Variants in TNR observed in about 807,000 individuals in gnomAD.
TNR encodes the protein tenascin-R.
A neutral mutation model predicts 150.4 loss-of-function variants in TNR; 45 were observed. The ratio of observed to expected loss-of-function variants is 0.30; its 90% CI spans 0.24 to 0.38. The LOEUF (loss-of-function observed/expected upper bound fraction) is 0.38, where lower values mean the gene tolerates loss of function less well. TNR is among the 10% of genes least tolerant of loss of function. The pLI, the probability that TNR is intolerant of heterozygous loss-of-function variation, is 1.00. For missense variants in TNR, 1,544 were observed against 1,759.1 expected, an observed-to-expected ratio of 0.88 and a Z score of 2.19; for synonymous variants, 687 against 678.4, an observed-to-expected ratio of 1.01 and a Z score of -0.20.
chr1:175,385,709 T>C (rs1488955762), intron 8 of TNR, among the ~76,000 whole-genome samples: 1 of 152,206 alleles, frequency 6.6e-6, no homozygotes, highest in Non-Finnish European at 1.5e-5. Context: ...ACTAGCGATA[T>C]GGATGCTTAC....
At chr1:175,522,110 A>C (rs540779356) in intron 2 of TNR, among the ~76,000 whole-genome samples, 2 of 149,896 alleles carry the variant, frequency 1.3e-5, no homozygotes, top group Admixed American at 6.6e-5. Context: ...TATCCACCCC[A>C]CTCCACTTCT....
chr1:175,739,533 T>C (rs746508336), intron 1 of TNR, among the ~76,000 whole-genome samples: 2 of 151,776 alleles, frequency 1.3e-5, no homozygotes, highest in African/African-American at 4.8e-5. Flanking sequence ...CACACACACA[T>C]TCACCAAAGT....
At chr1:175,489,886 C>A (rs1158505842) in intron 2 of TNR, among the ~76,000 whole-genome samples, 1 of 152,000 alleles carries the variant, frequency 6.6e-6, no homozygotes, top group East Asian at 1.9e-4. Context: ...TTTTTATGAA[C>A]ATAATAAATT....
intron 2 of TNR, among the ~76,000 whole-genome samples, chr1:175,502,644 A>G (rs1658785522): frequency 6.6e-6 from 1 of 152,156 alleles, no homozygotes; most frequent in South Asian, 2.1e-4. Flanking sequence ...TCTTGCATGC[A>G]ATTCCTTGGC....
At chr1:175,417,076 A>AAAGAAAGAAAGAAATAAATC (rs1491457290) in intron 2 of TNR, among the ~76,000 whole-genome samples, 1 of 113,666 alleles carries the variant, frequency 8.8e-6, no homozygotes, top group Admixed American at 1.0e-4. Context: ...AGAAAGAAAG[A>AAAGAAAGAAAGAAATAAATC]AATCTAAGAA....
At chr1:175,592,652 A>C (rs567237563) in intron 1 of TNR, among the ~76,000 whole-genome samples, 1 of 152,206 alleles carries the variant, frequency 6.6e-6, no homozygotes, top group Non-Finnish European at 1.5e-5. Context: ...TCTGCTGTTA[A>C]CCATCATTCA....
intron 9 of TNR, among the ~76,000 whole-genome samples, chr1:175,375,476 T>TGG (rs3216195): frequency 0.03 from 4,616 of 151,358 alleles, 100 homozygotes; most frequent in Non-Finnish European, 0.047. Flanking sequence ...CAGAGAATAA[T>TGG]GGGGGGGGAG....
intron 1 of TNR, among the ~76,000 whole-genome samples, chr1:175,560,712 T>C (rs1383982328): frequency 2.0e-5 from 3 of 152,320 alleles, no homozygotes; most frequent in East Asian, 1.9e-4. Context: ...GCTTTCTTTC[T>C]ACAAAAAATC....
chr1:175,740,046 T>C (rs142750827), intron 1 of TNR, among the ~76,000 whole-genome samples: 105 of 152,364 alleles, frequency 6.9e-4, no homozygotes, highest in African/African-American at 2.4e-3. Flanking sequence ...GCGGTTGAAA[T>C]GACCACTTGA....
chr1:175,355,058 G>A (rs989840737), intron 17 of TNR, among the ~76,000 whole-genome samples: 3 of 152,192 alleles, frequency 2.0e-5, no homozygotes. Flanking sequence ...CTTATCAAGA[G>A]GCATAAAAGC....
At chr1:175,522,340 G>A (rs1297957720) in intron 2 of TNR, among the ~76,000 whole-genome samples, 3 of 152,212 alleles carry the variant, frequency 2.0e-5, no homozygotes, top group South Asian at 2.1e-4. Flanking sequence ...ACTCATAAGT[G>A]GGAGCTAAGC....
chr1:175,727,048 T>G (rs1667500464), intron 1 of TNR, among the ~76,000 whole-genome samples: 1 of 152,206 alleles, frequency 6.6e-6, no homozygotes, highest in East Asian at 1.9e-4. Context: ...TACTCCTTGA[T>G]GACTCCAGAG....
intron 1 of TNR, among the ~76,000 whole-genome samples, chr1:175,722,632 T>A (rs1451668436): frequency 6.6e-6 from 1 of 151,686 alleles, no homozygotes; most frequent in Non-Finnish European, 1.5e-5. Flanking sequence ...GCCCAGCTAA[T>A]CTTTGCGTTT....
chr1:175,717,321 AC>A (rs1667181744), intron 1 of TNR, among the ~76,000 whole-genome samples: 1 of 152,176 alleles, frequency 6.6e-6, no homozygotes, highest in Non-Finnish European at 1.5e-5. Flanking sequence ...GGGTTGAAAA[AC>A]TAACTATTGG....
chr1:175,587,814 A>T (rs1214539297), intron 1 of TNR, among the ~76,000 whole-genome samples: 5 of 152,242 alleles, frequency 3.3e-5, no homozygotes, highest in African/African-American at 1.2e-4. Context: ...GACAAGAAAA[A>T]GAAAGCCCTT....
At chr1:175,484,105 T>C (rs1657914325) in intron 2 of TNR, among the ~76,000 whole-genome samples, 1 of 152,216 alleles carries the variant, frequency 6.6e-6, no homozygotes, top group East Asian at 1.9e-4. Context: ...AGGTGCACAA[T>C]AAATAATTGT....
intron 1 of TNR, among the ~76,000 whole-genome samples, chr1:175,737,503 AT>A (rs916059974): frequency 8.7e-4 from 132 of 152,282 alleles, no homozygotes; most frequent in African/African-American, 2.7e-3. Context: ...AGGAATGTGA[AT>A]TTTTAGGTGG....
At chr1:175,668,025 T>C (rs1292786976) in intron 1 of TNR, among the ~76,000 whole-genome samples, 2 of 152,202 alleles carry the variant, frequency 1.3e-5, no homozygotes. Context: ...CCAGATCTAC[T>C]GAATCAGAGG....
intron 1 of TNR, among the ~76,000 whole-genome samples, chr1:175,619,474 T>C (rs905346226): frequency 6.6e-6 from 1 of 152,156 alleles, no homozygotes; most frequent in Admixed American, 6.5e-5. Flanking sequence ...CCACCTGATG[T>C]ATTGAGTAGA....
Sources: allele counts gnomAD v4.1 joint callset (sites outside exome capture counted in the v4.1 genomes callset), GRCh38; gene constraint gnomAD v4.1.1; transcripts MANE v1.5; gene names NCBI Gene and HGNC (gene_info 2026-07-23, HGNC 2026-07-21).